The following PTPRK variants were observed in gnomAD, a reference collection of about 807,000 sequenced individuals.
The protein encoded by PTPRK is receptor-type tyrosine-protein phosphatase kappa.
In PTPRK, 75 loss-of-function variants were observed where a neutral mutation model predicts 178.0. The observed-to-expected ratio is 0.42, with a 90% CI of 0.35 to 0.51. The LOEUF is 0.51. PTPRK is among the 20% of genes least tolerant of loss of function. The pLI is 0.02. For synonymous variants in PTPRK, 637 were observed against 620.6 expected (o/e 1.03, Z -0.39); for missense variants, 1,441 against 1,797.8 (o/e 0.80, Z 3.59).
chr6:128,238,167 C>T, intron 5 of PTPRK: 1 of 395,830 alleles, frequency 2.5e-6, no homozygotes, highest in Non-Finnish European at 4.9e-6. Flanking sequence ...CATAAATTCA[C>T]CATTCTGTAG....
rs558408966 is a variant in PTPRK, at chr6:128,035,422, T to C, written c.2195-26154A>G. Among the ~76,000 whole-genome samples, 40 of 152,268 alleles carry C rather than the reference T, an allele frequency of 2.6e-4. 1 individual carries two copies. In the South Asian group the frequency reaches 8.1e-3, roughly 31 times the overall value. On this transcript the variant is annotated intron_variant, in intron 13 of 29. Coordinates refer to ENST00000368226, the MANE Select transcript of PTPRK (RefSeq NM_002844.4). ...AATGCTCTTTTTATCAAAACATTAC[T>C]GAATCCTTCGCTGCTTACTGCCAAT...
intron 1 of PTPRK, among the ~76,000 whole-genome samples, chr6:128,506,040 C>T (rs1856285769): frequency 6.7e-6 from 1 of 150,334 alleles, no homozygotes; most frequent in Non-Finnish European, 1.5e-5. Context: ...AATTCATAAA[C>T]ACGTTCTAAA....
intron 7 of PTPRK, among the ~76,000 whole-genome samples, chr6:128,182,868 C>A (rs1357774378): frequency 6.6e-6 from 1 of 151,974 alleles, no homozygotes; most frequent in South Asian, 2.1e-4. Context: ...ATTAACAATA[C>A]ACTGTGTGGT....
At chr6:127,990,924 A>G (rs745722195) in intron 20 of PTPRK, 39 bp from the exon 21 acceptor site, 21 of 1,195,688 alleles carry the variant, frequency 1.8e-5, no homozygotes, top group Middle Eastern at 2.1e-4. Flanking sequence ...ACCTGAATAT[A>G]TAATACTAAT....
intron 1 of PTPRK, among the ~76,000 whole-genome samples, chr6:128,451,313 C>G (rs755685100): frequency 6.6e-6 from 1 of 152,032 alleles, no homozygotes. Context: ...CAAAAAACAC[C>G]AATCTATTTT....
At chr6:128,277,199 T>C (rs957071378) in intron 3 of PTPRK, among the ~76,000 whole-genome samples, 6 of 152,112 alleles carry the variant, frequency 3.9e-5, no homozygotes, top group African/African-American at 1.4e-4. Flanking sequence ...AAACAAACAT[T>C]GAACGTTTAA....
intron 7 of PTPRK, among the ~76,000 whole-genome samples, chr6:128,115,325 C>A (rs1791320510): frequency 6.6e-6 from 1 of 152,092 alleles, no homozygotes; most frequent in Non-Finnish European, 1.5e-5. Context: ...AGCAAGTGTT[C>A]TAGGAAATGT....
At chr6:128,157,688 C>T (rs1439784768) in intron 7 of PTPRK, among the ~76,000 whole-genome samples, 2 of 151,962 alleles carry the variant, frequency 1.3e-5, no homozygotes, top group East Asian at 3.9e-4. Flanking sequence ...CTCTGATGGC[C>T]AGTGATGATG....
At chr6:128,355,752 A>T (rs1833869413) in intron 2 of PTPRK, among the ~76,000 whole-genome samples, 1 of 152,198 alleles carries the variant, frequency 6.6e-6, no homozygotes, top group Non-Finnish European at 1.5e-5. Flanking sequence ...CATATGTAAC[A>T]AACCTGCACG....
chr6:128,272,562 G>T (rs982322721), intron 3 of PTPRK, among the ~76,000 whole-genome samples: 6 of 151,660 alleles, frequency 4.0e-5, no homozygotes, highest in African/African-American at 1.5e-4. Flanking sequence ...ATGAACAGAT[G>T]CTTCTCAAAA....
At chr6:128,248,284 A>G (rs1203332215) in intron 3 of PTPRK, among the ~76,000 whole-genome samples, 2 of 152,208 alleles carry the variant, frequency 1.3e-5, no homozygotes, top group Non-Finnish European at 2.9e-5. Context: ...ATCTGTGTGT[A>G]TATACACATT....
intron 5 of PTPRK, among the ~76,000 whole-genome samples, chr6:128,230,008 AC>A (rs1329234126): frequency 1.3e-5 from 2 of 152,186 alleles, no homozygotes; most frequent in East Asian, 3.9e-4. Context: ...ACAGTTTTCT[AC>A]CCCCAGGAAT....
At chr6:128,503,358 C>T (rs1246160533) in intron 1 of PTPRK, among the ~76,000 whole-genome samples, 2 of 152,186 alleles carry the variant, frequency 1.3e-5, no homozygotes, top group Middle Eastern at 3.2e-3. Flanking sequence ...AATTGATGGC[C>T]TGATCCGAGA....
intron 29 of PTPRK, among the ~76,000 whole-genome samples, 164 bp from the exon 30 acceptor site, chr6:127,970,444 G>A (rs1285605523): frequency 2.0e-5 from 3 of 151,996 alleles, no homozygotes; most frequent in Non-Finnish European, 2.9e-5. Context: ...TTTTATACTT[G>A]AGTCTAATGA....
chr6:128,410,479 T>C (rs2128378649), intron 1 of PTPRK, among the ~76,000 whole-genome samples: 1 of 152,332 alleles, frequency 6.6e-6, no homozygotes, highest in Non-Finnish European at 1.5e-5. Context: ...AACTACTTTT[T>C]GCTGGGCAGA....
chr6:128,242,480 G>T (rs1257293910), intron 4 of PTPRK, 41 bp downstream of exon 4: 1 of 1,596,302 alleles, frequency 6.3e-7, no homozygotes, highest in East Asian at 2.3e-5. Context: ...AGGCAAGTGT[G>T]GAAAGGACAT....
At chr6:128,483,684 A>T (rs1852409171) in intron 1 of PTPRK, among the ~76,000 whole-genome samples, 1 of 152,152 alleles carries the variant, frequency 6.6e-6, no homozygotes, top group South Asian at 2.1e-4. Flanking sequence ...TTTTGCACCC[A>T]ATCACAGCTA....
At chr6:128,280,984 A>T (rs1398113223) in intron 3 of PTPRK, among the ~76,000 whole-genome samples, 1 of 152,218 alleles carries the variant, frequency 6.6e-6, no homozygotes, top group Non-Finnish European at 1.5e-5. Flanking sequence ...AGGAAAAAAA[A>T]ATCTAGGTGA....
chr6:128,313,390 G>C (rs1354799689), intron 3 of PTPRK, among the ~76,000 whole-genome samples: 4 of 152,050 alleles, frequency 2.6e-5, no homozygotes, highest in Non-Finnish European at 4.4e-5. Context: ...AAAAATACCT[G>C]AAATACATAT....
Sources: allele counts gnomAD v4.1 joint callset (sites outside exome capture counted in the v4.1 genomes callset), GRCh38; gene constraint gnomAD v4.1.1; transcripts MANE v1.5; gene names NCBI Gene and HGNC (gene_info 2026-07-23, HGNC 2026-07-21).